ADAMTS19: variants seen among roughly 807,000 people sequenced by gnomAD.
ADAMTS19 encodes the protein A disintegrin and metalloproteinase with thrombospondin motifs 19.
Under a neutral mutation model 153.3 loss-of-function variants are expected in ADAMTS19, and 93 were observed. That is an observed-to-expected ratio of 0.61 (90% confidence interval 0.51 to 0.72). ADAMTS19 has a LOEUF of 0.72. Ranked by LOEUF, ADAMTS19 falls within the 30% of genes least tolerant of loss-of-function variation. The pLI is 0.00. For synonymous variants in ADAMTS19, 600 were observed against 556.6 expected, an observed-to-expected ratio of 1.08 and a Z score of -1.10; for missense variants, 1,482 against 1,552.1, an observed-to-expected ratio of 0.95 and a Z score of 0.76.
At chr5:129,527,680 T>C in intron 4 of ADAMTS19, 68 bp from the exon 5 acceptor site, 1 of 746,926 alleles carries the variant, frequency 1.3e-6, no homozygotes. Context: ...TCTCCATGTA[T>C]GGGCCTTGAG....
chr5:129,505,071 T>A (rs1370755114), intron 2 of ADAMTS19, among the ~76,000 whole-genome samples: 1 of 152,130 alleles, frequency 6.6e-6, no homozygotes, highest in Non-Finnish European at 1.5e-5. Context: ...TCATGTTTTT[T>A]AAAAATAGGA....
chr5:129,543,740 C>T (rs976401079), intron 6 of ADAMTS19, among the ~76,000 whole-genome samples: 4 of 152,128 alleles, frequency 2.6e-5, no homozygotes, highest in African/African-American at 9.7e-5. Context: ...TGAGTCTTTG[C>T]CTTGCTTAAG....
At chr5:129,596,514 G>A in intron 7 of ADAMTS19, 45 bp from the exon 8 acceptor site, 10 of 1,261,850 alleles carry the variant, frequency 7.9e-6, no homozygotes, top group Non-Finnish European at 1.0e-5. Context: ...ATAAATATTT[G>A]CATATTCATT....
At chr5:129,612,841 A>G (rs1751301051) in intron 8 of ADAMTS19, among the ~76,000 whole-genome samples, 1 of 152,112 alleles carries the variant, frequency 6.6e-6, no homozygotes, top group African/African-American at 2.4e-5. Context: ...GGGATGGAGG[A>G]GATCTACAAA....
At chr5:129,643,664 A>G (rs1236027724) in intron 11 of ADAMTS19, among the ~76,000 whole-genome samples, 1 of 152,210 alleles carries the variant, frequency 6.6e-6, no homozygotes, top group African/African-American at 2.4e-5. Context: ...ACTATATATT[A>G]TCAATAAGAA....
At chr5:129,580,480 G>A (rs1458526877) in intron 7 of ADAMTS19, among the ~76,000 whole-genome samples, 3 of 152,160 alleles carry the variant, frequency 2.0e-5, no homozygotes, top group Non-Finnish European at 4.4e-5. Context: ...TTAAATAGGA[G>A]TAGTGAAAGA....
intron 7 of ADAMTS19, among the ~76,000 whole-genome samples, chr5:129,555,995 A>G (rs7707487): frequency 0.25 from 37,676 of 152,086 alleles, 5,019 homozygotes; most frequent in African/African-American, 0.33. Context: ...GAGTTAGGCT[A>G]TGTTAATGTT....
intron 15 of ADAMTS19, among the ~76,000 whole-genome samples, chr5:129,661,339 TGTA>T: frequency 6.6e-6 from 1 of 152,332 alleles, no homozygotes; most frequent in Non-Finnish European, 1.5e-5. Flanking sequence ...ATGTTAAATT[TGTA>T]TAAGTTTCAA....
chr5:129,683,871 A>G (rs1054799082), intron 17 of ADAMTS19, among the ~76,000 whole-genome samples: 16 of 150,158 alleles, frequency 1.1e-4, no homozygotes, highest in African/African-American at 3.9e-4. Context: ...AGCTTTTCTT[A>G]AGATGTTTTT....
At chr5:129,472,764 T>C (rs1360841302) in intron 2 of ADAMTS19, among the ~76,000 whole-genome samples, 2 of 150,810 alleles carry the variant, frequency 1.3e-5, no homozygotes, top group African/African-American at 2.4e-5. Flanking sequence ...TATAGTTATA[T>C]ATTTATGTTA....
At chr5:129,679,308 A>T (rs17163140) in intron 16 of ADAMTS19, among the ~76,000 whole-genome samples, 5,489 of 152,270 alleles carry the variant, frequency 0.036, 310 homozygotes, top group African/African-American at 0.13. Flanking sequence ...TCAGTTAATT[A>T]ATGTCCTGCT....
intron 2 of ADAMTS19, among the ~76,000 whole-genome samples, chr5:129,487,902 T>C (rs1298855897): frequency 6.6e-6 from 1 of 152,138 alleles, no homozygotes; most frequent in African/African-American, 2.4e-5. Context: ...ACATATTTCT[T>C]TGGGTAGCTG....
At chr5:129,489,982 T>C (rs1398198499) in intron 2 of ADAMTS19, among the ~76,000 whole-genome samples, 1 of 152,228 alleles carries the variant, frequency 6.6e-6, no homozygotes, top group Non-Finnish European at 1.5e-5. Context: ...TTCAAAATGC[T>C]ACCTATTAGG....
At chr5:129,693,797 TA>T (rs1249575519) in intron 18 of ADAMTS19, among the ~76,000 whole-genome samples, 2 of 152,146 alleles carry the variant, frequency 1.3e-5, no homozygotes, top group African/African-American at 4.8e-5. Flanking sequence ...GTAGAGAAAG[TA>T]GAAAAGCCAA....
At chr5:129,650,539 A>T (rs533950041) in intron 13 of ADAMTS19, among the ~76,000 whole-genome samples, 6 of 152,180 alleles carry the variant, frequency 3.9e-5, no homozygotes, top group African/African-American at 1.4e-4. Context: ...TGCTATCAAG[A>T]CACGTTAGCC....
intron 11 of ADAMTS19, among the ~76,000 whole-genome samples, chr5:129,642,764 G>A (rs1752852001): frequency 6.6e-6 from 1 of 152,118 alleles, no homozygotes; most frequent in Non-Finnish European, 1.5e-5. Context: ...ATTTCTTATG[G>A]TGAAATACTT....
At chr5:129,561,931 G>A (rs970675576) in intron 7 of ADAMTS19, among the ~76,000 whole-genome samples, 1 of 152,034 alleles carries the variant, frequency 6.6e-6, no homozygotes, top group Admixed American at 6.6e-5. Flanking sequence ...AAGCTGTCAA[G>A]CTCATGGTGA....
intron 2 of ADAMTS19, among the ~76,000 whole-genome samples, chr5:129,501,746 C>T (rs1259303247): frequency 6.6e-6 from 1 of 151,776 alleles, no homozygotes; most frequent in Non-Finnish European, 1.5e-5. Context: ...GTGTCCAAGG[C>T]TTTATTTATA....
intron 9 of ADAMTS19, among the ~76,000 whole-genome samples, chr5:129,621,233 C>T (rs150455229): frequency 4.3e-4 from 65 of 152,240 alleles, no homozygotes; most frequent in African/African-American, 1.5e-3. Flanking sequence ...GGCAGTAACA[C>T]TTAGCTTCTG....
Sources: allele counts gnomAD v4.1 joint callset (sites outside exome capture counted in the v4.1 genomes callset), GRCh38; gene constraint gnomAD v4.1.1; transcripts MANE v1.5; gene names NCBI Gene and HGNC (gene_info 2026-07-23, HGNC 2026-07-21).